GALNT13: variants seen among roughly 807,000 people sequenced by gnomAD.
GALNT13 encodes UDP-GalNAc:polypeptide N-acetylgalactosaminyltransferase 13.
A neutral mutation model predicts 64.2 loss-of-function variants in GALNT13; 28 were observed. That is an observed-to-expected ratio of 0.44 (90% confidence interval 0.32 to 0.60). GALNT13 has a LOEUF of 0.60. Ranked by LOEUF, GALNT13 falls within the 20% of genes least tolerant of loss-of-function variation. The pLI, the probability that GALNT13 is intolerant of heterozygous loss-of-function variation, is 0.05. For synonymous variants in GALNT13, 214 were observed against 224.6 expected (o/e 0.95, Z 0.42); for missense variants, 577 against 669.8 (o/e 0.86, Z 1.53).
chr2:153,726,938 TCAAAAAAAAAAAAAAAAA>T, the GALNT13 span, among the ~76,000 whole-genome samples: 9 of 90,552 alleles, frequency 9.9e-5, no homozygotes, highest in Admixed American at 8.2e-4. Flanking sequence ...AGACTCCATC[TCAAAAAAAAAAAAAAAAA>T]CAAAAAAAAA....
the GALNT13 span, among the ~76,000 whole-genome samples, chr2:153,680,811 G>C: frequency 1.3e-5 from 2 of 151,904 alleles, no homozygotes; most frequent in Admixed American, 6.6e-5. Context: ...AAGAGCTGTA[G>C]GAGGTGACTG....
At chr2:153,945,563 AG>A (rs1369742064) in intron 3 of GALNT13, among the ~76,000 whole-genome samples, 1 of 152,130 alleles carries the variant, frequency 6.6e-6, no homozygotes, top group African/African-American at 2.4e-5. Context: ...TAAATTATCA[AG>A]TTGAGATTTA....
At chr2:154,289,516 C>T (rs1451158908) in intron 8 of GALNT13, among the ~76,000 whole-genome samples, 1 of 152,094 alleles carries the variant, frequency 6.6e-6, no homozygotes, top group African/African-American at 2.4e-5. Context: ...AGGGGAACTC[C>T]CCTTTATAAA....
chr2:154,405,612 G>A (rs1699497331), intron 10 of GALNT13, among the ~76,000 whole-genome samples: 1 of 149,906 alleles, frequency 6.7e-6, no homozygotes, highest in Non-Finnish European at 1.5e-5. Flanking sequence ...AATTTGACCA[G>A]GTGTGATGGT....
At chr2:153,718,596 G>A in the GALNT13 span, among the ~76,000 whole-genome samples, 9 of 152,106 alleles carry the variant, frequency 5.9e-5, no homozygotes, top group Non-Finnish European at 8.8e-5. Context: ...CACAAGTCAC[G>A]TTTCATAGCC....
At chr2:153,947,199 A>G (rs908981032) in intron 3 of GALNT13, among the ~76,000 whole-genome samples, 2 of 152,066 alleles carry the variant, frequency 1.3e-5, no homozygotes, top group African/African-American at 2.4e-5. Context: ...TTCTTACTCT[A>G]TGCAAATCCT....
intron 9 of GALNT13, among the ~76,000 whole-genome samples, chr2:154,378,324 G>A (rs779958085): frequency 3.3e-5 from 5 of 152,156 alleles, no homozygotes; most frequent in Non-Finnish European, 7.4e-5. Context: ...GATTTGAGAT[G>A]TGCAGCCTTG....
chr2:153,259,607 C>A, the GALNT13 span, among the ~76,000 whole-genome samples: 2 of 152,052 alleles, frequency 1.3e-5, no homozygotes, highest in Admixed American at 6.6e-5. Flanking sequence ...GTGAATAAAT[C>A]TTATGAGATC....
At chr2:153,798,943 G>T in the GALNT13 span, among the ~76,000 whole-genome samples, 687 of 152,244 alleles carry the variant, frequency 4.5e-3, 3 homozygotes, top group Middle Eastern at 0.024. Flanking sequence ...GTATAAGCAT[G>T]TGTACCCGAG....
chr2:153,525,750 G>T, the GALNT13 span, among the ~76,000 whole-genome samples: 1 of 152,134 alleles, frequency 6.6e-6, no homozygotes, highest in South Asian at 2.1e-4. Context: ...GGGCCTTTGG[G>T]GTCCCTGATT....
At chr2:153,094,673 C>G in the GALNT13 span, among the ~76,000 whole-genome samples, 7 of 152,164 alleles carry the variant, frequency 4.6e-5, no homozygotes, top group Non-Finnish European at 7.3e-5. Context: ...TAGCATGGTG[C>G]TGGTACCAAA....
intron 11 of GALNT13, among the ~76,000 whole-genome samples, chr2:154,425,125 G>A (rs894052873): frequency 1.3e-5 from 2 of 152,014 alleles, no homozygotes; most frequent in African/African-American, 4.8e-5. Context: ...TGGCTTTTCA[G>A]AATCTTTATA....
the GALNT13 span, among the ~76,000 whole-genome samples, chr2:153,741,597 C>T: frequency 2.6e-5 from 4 of 151,928 alleles, no homozygotes; most frequent in Non-Finnish European, 5.9e-5. Context: ...TAATGTTTCC[C>T]ACATTTTATA....
the GALNT13 span, among the ~76,000 whole-genome samples, chr2:153,155,068 G>A: frequency 8.4e-4 from 128 of 152,286 alleles, no homozygotes; most frequent in Non-Finnish European, 1.3e-4. Context: ...TGCATCCTGT[G>A]GATGAAGCCA....
At chr2:153,215,973 C>G in the GALNT13 span, among the ~76,000 whole-genome samples, 1 of 151,946 alleles carries the variant, frequency 6.6e-6, no homozygotes, top group Non-Finnish European at 1.5e-5. Context: ...TCAGACTGCC[C>G]CCTTGATGTT....
intron 3 of GALNT13, among the ~76,000 whole-genome samples, chr2:154,010,830 A>G (rs548921380): frequency 2.6e-5 from 4 of 152,058 alleles, no homozygotes; most frequent in South Asian, 4.1e-4. Context: ...ATATTTTTCA[A>G]TGGAATATTA....
chr2:154,034,198 A>G (rs1268359382), intron 3 of GALNT13, among the ~76,000 whole-genome samples: 1 of 152,194 alleles, frequency 6.6e-6, no homozygotes, highest in African/African-American at 2.4e-5. Flanking sequence ...ATTTATAATC[A>G]CCAAAAATTG....
chr2:153,398,951 G>T, the GALNT13 span, among the ~76,000 whole-genome samples: 1,234 of 113,522 alleles, frequency 0.011, 21 homozygotes, highest in African/African-American at 0.038. Flanking sequence ...GTCAATTTTG[G>T]CTTTTGTTGC....
the GALNT13 span, among the ~76,000 whole-genome samples, chr2:153,728,811 C>A: frequency 2.6e-5 from 4 of 152,002 alleles, no homozygotes; most frequent in Non-Finnish European, 5.9e-5. Context: ...GGGATATCAC[C>A]ACTGATCCCA....
Sources: gnomAD v4.1 joint callset for allele counts (sites outside exome capture counted in the v4.1 genomes callset) on GRCh38, gnomAD v4.1.1 for gene constraint, MANE v1.5 for transcripts, NCBI Gene and HGNC (gene_info 2026-07-23, HGNC 2026-07-21) for gene names.